FASTKD1: variants seen among roughly 807,000 people sequenced by gnomAD.
FASTKD1 encodes the protein FAST kinase domain-containing protein 1, mitochondrial.
FASTKD1 carries 94 observed loss-of-function variants against 90.9 expected under a neutral mutation model. The observed-to-expected ratio is 1.03, with a 90% CI of 0.88 to 1.23. FASTKD1 has a LOEUF of 1.23. Ranked by LOEUF, FASTKD1 falls within the 50% of genes most tolerant of loss-of-function variation. The probability of loss-of-function intolerance (pLI) is 0.00; values close to 1 mark genes in which losing one functional copy is unlikely to be tolerated. For synonymous variants in FASTKD1, 319 were observed against 345.8 expected, an observed-to-expected ratio of 0.92 and a Z score of 0.86; for missense variants, 945 against 993.5, an observed-to-expected ratio of 0.95 and a Z score of 0.66.
rs77736192 is a variant in FASTKD1, at chr2:169,541,924, G to A, written c.1817-1745C>T. Among the ~76,000 whole-genome samples the A allele has an allele frequency of 4.5e-3, 682 of 152,158 alleles. 3 individuals carry two copies. Among genetic ancestry groups the A allele is most frequent in the African/African-American group, 0.016 (653 of 41,498 alleles). On this transcript the variant is annotated intron_variant, in intron 9 of 14. Coordinates refer to ENST00000453153, the MANE Select transcript of FASTKD1 (RefSeq NM_024622.6). ...AAAAAAACCAAACATGCTCTCACCCGAGGGCCCTTTCCAGTTCCCTTTCTT... is the reference window on the plus strand; with the variant it reads ...AAAAAAACCAAACATGCTCTCACCCAAGGGCCCTTTCCAGTTCCCTTTCTT...
intron 14 of FASTKD1, 35 bp downstream of exon 14, chr2:169,530,552 C>A (rs1684432334): frequency 2.4e-6 from 3 of 1,253,928 alleles, no homozygotes; most frequent in Non-Finnish European, 3.4e-6. Flanking sequence ...TGTCTCTGGG[C>A]TTTTTAGAGG....
At chr2:169,544,526 G>A (rs554859949) in intron 9 of FASTKD1, among the ~76,000 whole-genome samples, 195 bp downstream of exon 9, 8 of 152,022 alleles carry the variant, frequency 5.3e-5, no homozygotes, top group Non-Finnish European at 1.0e-4. Flanking sequence ...AGCCAAGATC[G>A]CACCACTACA....
At chr2:169,549,390 C>T (rs1049762135) in intron 7 of FASTKD1, among the ~76,000 whole-genome samples, 7 of 151,350 alleles carry the variant, frequency 4.6e-5, no homozygotes, top group East Asian at 1.9e-4. Context: ...GCAACAAGAG[C>T]GAAACTCCAT....
At chr2:169,548,820 C>T (rs183236090) in intron 7 of FASTKD1, among the ~76,000 whole-genome samples, 148 of 150,650 alleles carry the variant, frequency 9.8e-4, no homozygotes, top group African/African-American at 3.3e-3. Context: ...TGAGGCTGGG[C>T]GCGGTAGCTC....
chr2:169,549,561 C>T (rs1685396604), intron 7 of FASTKD1, among the ~76,000 whole-genome samples: 1 of 152,064 alleles, frequency 6.6e-6, no homozygotes, highest in East Asian at 1.9e-4. Flanking sequence ...ACCTCCTGGG[C>T]TCAAGTACTC....
chr2:169,565,554 G>C (rs1309436770), intron 3 of FASTKD1, among the ~76,000 whole-genome samples: 1 of 152,010 alleles, frequency 6.6e-6, no homozygotes, highest in Admixed American at 6.6e-5. Flanking sequence ...GAGCCACCGC[G>C]CCCAGCCACC....
At chr2:169,560,261 A>G in intron 5 of FASTKD1, 126 bp downstream of exon 5, 1 of 611,182 alleles carries the variant, frequency 1.6e-6, no homozygotes, top group Non-Finnish European at 2.7e-6. Flanking sequence ...AGAGCATAAG[A>G]GATTATTTTC....
In FASTKD1 at chr2:169,563,290, A is replaced by G. The variant is rs1479207117; in HGVS notation, c.507T>C (p.Phe169=). The G allele has an allele frequency of 6.8e-6, 11 of 1,612,398 alleles. No individual in the cohort carries two copies. The highest frequency in any genetic ancestry group is 9.3e-6 in the Non-Finnish European group (11 of 1,179,052). The change falls in exon 4 of 15, where the codon TTT becomes TTC. Residue 169 remains phenylalanine (F), a synonymous_variant. Coordinates refer to ENST00000453153, the MANE Select transcript of FASTKD1 (RefSeq NM_024622.6). ...SSCLADQHLY[F]SPLMGKIADI... The stretch of plus-strand genomic sequence containing the variant: ...CAGCTATTTTTCCCATTAATGGACT[A>G]AAATACAAATGCTGATCTGCTAGGC...
Position 169,571,679 on chromosome 2 carries a change from C to T in FASTKD1, c.351G>A (p.Leu117=), listed in dbSNP as rs1469067454. The T allele has an allele frequency of 6.2e-7, 1 of 1,604,868 alleles. No homozygotes were observed. The highest frequency in any genetic ancestry group is 8.5e-7 in the Non-Finnish European group (1 of 1,172,860). ...NKFKLMNDDT[L]VNVLYVTQQF... ...GTTGTGTGACGTATAACACATTCAC[C>T]AGGGTATCGTCATTCATTAATTTGA... The change falls in exon 2 of 15, where the codon CTG becomes CTA. Residue 117 remains leucine (L), a synonymous_variant. Coordinates refer to ENST00000453153, the MANE Select transcript of FASTKD1 (RefSeq NM_024622.6).
chr2:169,548,576 CA>C (rs1254279832), intron 7 of FASTKD1, among the ~76,000 whole-genome samples: 2 of 150,760 alleles, frequency 1.3e-5, no homozygotes, highest in Admixed American at 6.6e-5. Context: ...ACTGAAAATA[CA>C]AAAAATTAGC....
intron 3 of FASTKD1, among the ~76,000 whole-genome samples, chr2:169,566,648 G>C (rs919267470): frequency 5.3e-5 from 8 of 152,084 alleles, no homozygotes; most frequent in African/African-American, 1.7e-4. Context: ...GAAGTCTGAG[G>C]CTGCAGTGAG....
intron 2 of FASTKD1, chr2:169,571,378 A>G (rs927441181): frequency 5.2e-6 from 1 of 193,230 alleles, no homozygotes; most frequent in Non-Finnish European, 1.1e-5. Context: ...CCTGGCTAAC[A>G]TGGTGAAACC....
In FASTKD1 at chr2:169,555,116, A is replaced by T. The variant is rs1284402367; in HGVS notation, c.1214+8T>A. 1 of 1,598,426 alleles carries T rather than the reference A, an allele frequency of 6.3e-7. No individual in the cohort carries two copies. Among genetic ancestry groups the T allele is most frequent in the South Asian group, 1.1e-5 (1 of 88,606 alleles). On this transcript the variant is annotated splice_region_variant and intron_variant, in intron 7 of 14. Coordinates refer to ENST00000453153, the MANE Select transcript of FASTKD1 (RefSeq NM_024622.6). ...AAACACTAAACAAAATTTCTATTTT[A>T]ATCTTACCTAAGCAGTAATTCTCTA... is the stretch of plus-strand genomic sequence containing the variant.
rs1385712904 is a variant in FASTKD1 at position 169,571,849 on chromosome 2, CTT to C, written c.179_180del (p.Lys60SerfsTer13). ...EQMFGFIERN[K>X]AILSEKQVGC... ...CCCACTTGCTTTTCTGAAAGTATGG[CTT>C]TGTTTCTTTCAATAAAACCAAACAT... On this transcript the variant is annotated frameshift_variant, in exon 2 of 15. Transcript: ENST00000453153. LOFTEE classifies it high-confidence loss of function. 4 of 1,613,916 alleles carry C rather than the reference CTT, an allele frequency of 2.5e-6. No individual in the cohort carries two copies. Among genetic ancestry groups the C allele is most frequent in the Non-Finnish European group, 3.4e-6 (4 of 1,179,978 alleles).
intron 7 of FASTKD1, among the ~76,000 whole-genome samples, chr2:169,547,930 T>A (rs1574384703): frequency 3.3e-5 from 3 of 89,692 alleles, no homozygotes; most frequent in Non-Finnish European, 2.3e-5. Flanking sequence ...TTTGATAAAT[T>A]CAAAGATGAC....
rs559845185 is a variant in FASTKD1, at chr2:169,549,690, C to A, written c.1215-2986G>T. ...CTTTATTGCCCAGGCTGGTCTTGAA[C>A]TCCTGGGCTCAAACAATCCTCCCAG... On this transcript the variant is annotated intron_variant, in intron 7 of 14. Transcript: ENST00000453153. Among the ~76,000 whole-genome samples, 6 of 152,246 alleles carry A rather than the reference C, an allele frequency of 3.9e-5. No individual in the cohort carries two copies. The South Asian group carries it at 1.2e-3, about 32-fold the overall frequency.
chr2:169,568,399 G>A (rs1684080807), intron 3 of FASTKD1, among the ~76,000 whole-genome samples: 1 of 151,948 alleles, frequency 6.6e-6, no homozygotes, highest in Non-Finnish European at 1.5e-5. Flanking sequence ...GAATAGCTGT[G>A]ACTCTATCTT....
chr2:169,560,479 T>C lies in FASTKD1; in HGVS notation c.879A>G (p.Leu293=), dbSNP rs758816713. The change falls in exon 5 of 15, where the codon CTA becomes CTG. Residue 293 remains leucine (L), a synonymous_variant. Transcript: ENST00000453153. ...FEFIIMAKKK[L]TEMIPLCNHP... ...GATTACACAGAGGAATCATTTCAGT[T>C]AGCTTCTTTTTAGCCATTATAATAA... 6.2e-7 allele frequency: 1 copy of C among 1,603,652 alleles called. No homozygotes were observed. The highest frequency in any genetic ancestry group is 1.7e-5 in the Admixed American group (1 of 57,876).
chr2:169,555,272 A>G lies in FASTKD1; in HGVS notation c.1083-17T>C, dbSNP rs1683248949. On this transcript the variant is annotated splice_polypyrimidine_tract_variant and intron_variant, in intron 6 of 14. Coordinates refer to ENST00000453153, the MANE Select transcript of FASTKD1 (RefSeq NM_024622.6). ...GAAGTAACTCTAAAAAGGATAGAGC[A>G]TATATTATAACCAGTTCATTCATTT... 6 of 1,593,910 alleles carry G rather than the reference A, an allele frequency of 3.8e-6. No individual in the cohort carries two copies. Among genetic ancestry groups the G allele is most frequent in the Non-Finnish European group, 4.3e-6 (5 of 1,168,234 alleles).
Sources: gnomAD v4.1 joint callset for allele counts (sites outside exome capture counted in the v4.1 genomes callset) on GRCh38, gnomAD v4.1.1 for gene constraint, MANE v1.5 for transcripts, NCBI Gene and HGNC (gene_info 2026-07-23, HGNC 2026-07-21) for gene names.